The following EIPR1 variants were observed in gnomAD, a reference collection of about 807,000 sequenced individuals.
EIPR1 encodes the protein EARP and GARP complex-interacting protein 1.
A neutral mutation model predicts 48.1 loss-of-function variants in EIPR1; 25 were observed. The observed-to-expected ratio is 0.52, with a 90% CI of 0.38 to 0.73. The LOEUF (loss-of-function observed/expected upper bound fraction) is 0.73. EIPR1 is among the 30% of genes least tolerant of loss of function. The pLI is 0.00. For missense variants in EIPR1, 415 were observed against 506.2 expected (o/e 0.82, Z 1.73); for synonymous variants, 204 against 201.9 (o/e 1.01, Z -0.09).
chr2:3,324,377 TC>T (rs1294109324), intron 3 of EIPR1, among the ~76,000 whole-genome samples: 2 of 152,168 alleles, frequency 1.3e-5, no homozygotes, highest in East Asian at 3.9e-4. Flanking sequence ...CTTTCCCAGC[TC>T]CTCCCGGGCA....
In EIPR1 at chr2:3,204,914, G is replaced by A. The variant is rs190730779; in HGVS notation, c.517-7897C>T. Among the ~76,000 whole-genome samples, 80 of 151,972 alleles carry A rather than the reference G, an allele frequency of 5.3e-4. 1 individual carries two copies. Among genetic ancestry groups the A allele is most frequent in the Non-Finnish European group, 3.7e-4 (25 of 67,932 alleles). On this transcript the variant is annotated intron_variant, in intron 5 of 8. Transcript: ENST00000382125. ...GTGCTCACAGCAGACCCTACTACATGTAGGACTGTGCTCCCAGCAGACCCT... is the reference window on the plus strand; with the variant it reads ...GTGCTCACAGCAGACCCTACTACATATAGGACTGTGCTCCCAGCAGACCCT...
intron 3 of EIPR1, among the ~76,000 whole-genome samples, chr2:3,264,875 C>T (rs1297780918): frequency 1.3e-5 from 2 of 151,962 alleles, no homozygotes; most frequent in African/African-American, 4.8e-5. Context: ...TTAGTAGAGA[C>T]GGGGTTTCTC....
chr2:3,262,802 A>G (rs1294741511), intron 3 of EIPR1, among the ~76,000 whole-genome samples: 1 of 152,242 alleles, frequency 6.6e-6, no homozygotes, highest in Non-Finnish European at 1.5e-5. Flanking sequence ...GCTCCTGGCC[A>G]TGGGGCACCA....
intron 1 of EIPR1, among the ~76,000 whole-genome samples, chr2:3,367,844 C>T (rs1439916563): frequency 6.6e-6 from 1 of 151,996 alleles, no homozygotes; most frequent in Non-Finnish European, 1.5e-5. Context: ...GTCAGGAGAT[C>T]GAGACCATCC....
chr2:3,306,401 A>G (rs2103302203), intron 3 of EIPR1, among the ~76,000 whole-genome samples: 1 of 152,284 alleles, frequency 6.6e-6, no homozygotes, highest in East Asian at 1.9e-4. Flanking sequence ...TTTTGTCATA[A>G]GAAGTTTGGT....
At position 3,189,661 on chromosome 2, in the gene EIPR1, C is replaced by G. The variant is rs973579192; in HGVS notation, c.990-153G>C. The stretch of plus-strand genomic sequence containing the variant: ...TGGGATGGGAAGAATTAGAGGAGCC[C>G]ACACCGAGGACGGTGGGGTGGTCCC... On this transcript the variant is annotated intron_variant, in intron 8 of 8. Coordinates refer to ENST00000382125, the MANE Select transcript of EIPR1 (RefSeq NM_003310.5). This position sits in a 1 kb window ranked among gnomAD's most constrained non-coding sequence, Gnocchi z 4.6. Among the ~76,000 whole-genome samples the G allele has an allele frequency of 6.6e-6, 1 of 152,184 alleles. No homozygotes were observed. The highest frequency in any genetic ancestry group is 2.4e-5 in the African/African-American group (1 of 41,458).
At chr2:3,201,967 C>G (rs937267229) in intron 5 of EIPR1, among the ~76,000 whole-genome samples, 1 of 152,098 alleles carries the variant, frequency 6.6e-6, no homozygotes, top group Non-Finnish European at 1.5e-5. Context: ...GACGGAGTCT[C>G]ACTCTGCCAC....
intron 1 of EIPR1, among the ~76,000 whole-genome samples, chr2:3,358,552 C>A (rs1670786478): frequency 6.6e-6 from 1 of 152,212 alleles, no homozygotes; most frequent in Non-Finnish European, 1.5e-5. Flanking sequence ...TTCCTCTACC[C>A]TCTGCTGCAA....
At chr2:3,247,814 T>C (rs892766767) in intron 4 of EIPR1, among the ~76,000 whole-genome samples, 4 of 152,264 alleles carry the variant, frequency 2.6e-5, no homozygotes, top group Non-Finnish European at 5.9e-5. Flanking sequence ...ACCTTTCTTA[T>C]CTACTCTTGG....
intron 3 of EIPR1, among the ~76,000 whole-genome samples, chr2:3,288,807 A>G (rs1668283349): frequency 6.6e-6 from 1 of 152,192 alleles, no homozygotes; most frequent in Non-Finnish European, 1.5e-5. Flanking sequence ...AGCAGCCATG[A>G]TACAGTGGGA....
In EIPR1 at chr2:3,194,090, A is replaced by C. The variant is rs138522728; in HGVS notation, c.730T>G (p.Leu244Val). 17 of 1,613,844 alleles carry C rather than the reference A, an allele frequency of 1.1e-5. No homozygotes were observed. The highest frequency in any genetic ancestry group is 1.4e-5 in the Non-Finnish European group (17 of 1,180,024). Residue 244 changes from leucine (L) to valine (V), a missense_variant, in exon 7 of 9, where the codon TTG (leucine) becomes GTG (valine). Leu to Val is a conservative substitution (Grantham distance 32). Transcript: ENST00000382125. ...TTACAGTCGTCTCCGCAGCTGGCCA[A>C]GTAGTACTGCTTATTGGGATTAAAG... ...LDFNPNKQYY[L>V]ASCGDDCKVK... is the part of the protein sequence containing the mutation.
At chr2:3,299,193 G>GT (rs1668687477) in intron 3 of EIPR1, among the ~76,000 whole-genome samples, 1 of 152,246 alleles carries the variant, frequency 6.6e-6, no homozygotes. Context: ...GAATGTCGCT[G>GT]TGTCTGTCTC....
chr2:3,340,703 T>C (rs932424403), intron 2 of EIPR1, among the ~76,000 whole-genome samples: 11 of 152,200 alleles, frequency 7.2e-5, no homozygotes, highest in African/African-American at 2.7e-4. Context: ...CAATTAGGGA[T>C]AGACCCTACA....
intron 3 of EIPR1, among the ~76,000 whole-genome samples, chr2:3,327,324 C>T (rs57634385): frequency 0.2 from 29,845 of 152,054 alleles, 4,538 homozygotes; most frequent in East Asian, 0.58. Context: ...GCTGGGACTA[C>T]AGGCACGCAC....
rs1362862502 is a variant in EIPR1, at chr2:3,192,584, G to A, written c.822-3C>T. 4.3e-6 allele frequency: 7 copies of A among 1,609,728 alleles called. No individual in the cohort carries two copies. The highest frequency in any genetic ancestry group is 1.7e-5 in the Admixed American group (1 of 59,548). On this transcript the variant is annotated splice_polypyrimidine_tract_variant and splice_region_variant and intron_variant, in intron 7 of 8. Transcript: ENST00000382125. The stretch of plus-strand genomic sequence containing the variant: ...GGTTGTAGCGGACGTTCCACACCCT[G>A]CAAAGGGCAAGGCAGCTGCTGAAAT...
rs1199195386 is a variant in EIPR1, at chr2:3,194,000, A to C, written c.820T>G (p.Trp274Gly). ...TGAAGCAGCCAGGAGCGGCCCTACC[A>C]GTGGGAGTGCTCCTCCAGGGTCTTC... ...PVKTLEEHSHWVWNVRYNHSH... is the reference protein window; with the variant it reads ...PVKTLEEHSHGVWNVRYNHSH... Residue 274 changes from tryptophan to glycine, a missense_variant and splice_region_variant, in exon 7 of 9, where the codon TGG becomes GGG. Trp to Gly is a radical substitution (Grantham distance 184, BLOSUM62 -2). Transcript: ENST00000382125. The C allele has an allele frequency of 1.2e-6, 2 of 1,613,588 alleles. No individual in the cohort carries two copies. Among genetic ancestry groups the C allele is most frequent in the Non-Finnish European group, 1.7e-6 (2 of 1,179,956 alleles).
At chr2:3,204,158 C>T (rs554189242) in intron 5 of EIPR1, among the ~76,000 whole-genome samples, 8 of 152,342 alleles carry the variant, frequency 5.3e-5, no homozygotes, top group East Asian at 3.9e-4. Flanking sequence ...AGCTCAGAGG[C>T]GGGCTGTGGC....
At position 3,257,466 on chromosome 2, in the gene EIPR1, G is replaced by A. The variant is rs1667195248; in HGVS notation, c.260-11C>T. The A allele has an allele frequency of 6.2e-7, 1 of 1,613,798 alleles. No homozygotes were observed. Among genetic ancestry groups the A allele is most frequent in the South Asian group, 1.1e-5 (1 of 91,036 alleles). On this transcript the variant is annotated splice_polypyrimidine_tract_variant and intron_variant, in intron 3 of 8. Transcript: ENST00000382125. ...CTTTGCTGTCTGAAGCTGAGCAACA[G>A]AGCATAATGGATAATGTCAACAGAG... is the stretch of plus-strand genomic sequence containing the variant.
At chr2:3,321,986 C>A (rs970239989) in intron 3 of EIPR1, among the ~76,000 whole-genome samples, 12 of 152,302 alleles carry the variant, frequency 7.9e-5, no homozygotes, top group Non-Finnish European at 1.3e-4. Flanking sequence ...ATTCCAAAAG[C>A]CAATTCTCGA....
Sources: allele counts gnomAD v4.1 joint callset (sites outside exome capture counted in the v4.1 genomes callset), GRCh38; gene constraint gnomAD v4.1.1; non-coding constraint Gnocchi (gnomAD v3.1); transcripts MANE v1.5; gene names NCBI Gene and HGNC (gene_info 2026-07-23, HGNC 2026-07-21).